RALGAPA2: variants seen among roughly 807,000 people sequenced by gnomAD.
RALGAPA2 encodes Ral GTPase activating protein catalytic subunit alpha 2.
Under a neutral mutation model 230.4 loss-of-function variants are expected in RALGAPA2, and 139 were observed. The ratio of observed to expected loss-of-function variants is 0.60; its 90% CI spans 0.53 to 0.69. The LOEUF (loss-of-function observed/expected upper bound fraction) is 0.69. Ranked by LOEUF, RALGAPA2 falls within the 30% of genes least tolerant of loss-of-function variation. The pLI is 0.00. For missense variants in RALGAPA2, 2,163 were observed against 2,276.0 expected (o/e 0.95, Z 1.01); for synonymous variants, 847 against 837.8 (o/e 1.01, Z -0.19).
In RALGAPA2 at chr20:20,588,203, A is replaced by G. The variant is rs139686113; in HGVS notation, c.2439+1065T>C. 6.2e-3 allele frequency among the ~76,000 whole-genome samples: 942 copies of G among 152,362 alleles called. 12 individuals are homozygous for G. The highest frequency in any genetic ancestry group is 0.021 in the African/African-American group (882 of 41,586). On this transcript the variant is annotated intron_variant, in intron 18 of 39. Transcript: ENST00000202677. ...CATGGCTACAGTTTTCACAAAAACA[A>G]AAAGCTGGAAACAATCTAAATGTCA... is the stretch of plus-strand genomic sequence containing the variant.
intron 1 of RALGAPA2, among the ~76,000 whole-genome samples, chr20:20,682,731 G>GTT: frequency 6.6e-6 from 1 of 152,136 alleles, no homozygotes. Context: ...CATGCATCTA[G>GTT]CACAATATTT....
intron 37 of RALGAPA2, among the ~76,000 whole-genome samples, chr20:20,465,861 TAA>T (rs1449492923): frequency 1.3e-5 from 2 of 152,180 alleles, no homozygotes; most frequent in East Asian, 3.8e-4. Context: ...CCCACAATGG[TAA>T]AAAAGTAAAT....
chr20:20,528,609 T>C (rs1437292571), intron 27 of RALGAPA2, among the ~76,000 whole-genome samples: 1 of 152,056 alleles, frequency 6.6e-6, no homozygotes, highest in Non-Finnish European at 1.5e-5. Flanking sequence ...TTGGTGAGTA[T>C]GGCTGTGGCT....
chr20:20,595,200 A>C (rs989977238), intron 16 of RALGAPA2, among the ~76,000 whole-genome samples: 3 of 152,034 alleles, frequency 2.0e-5, no homozygotes, highest in African/African-American at 7.3e-5. Flanking sequence ...CTCACTTTTT[A>C]AGTCTTCCTT....
At chr20:20,694,621 T>C (rs148518438) in intron 1 of RALGAPA2, among the ~76,000 whole-genome samples, 71 of 152,314 alleles carry the variant, frequency 4.7e-4, no homozygotes, top group Non-Finnish European at 4.7e-4. Context: ...AATTTTGTTA[T>C]AGGAGTCCAG....
chr20:20,505,578 A>T, intron 33 of RALGAPA2, 44 bp from the exon 34 acceptor site: 2 of 1,464,330 alleles, frequency 1.4e-6, no homozygotes, highest in South Asian at 2.7e-5. Context: ...CTTATATGTA[A>T]AATTTTACTT....
intron 1 of RALGAPA2, among the ~76,000 whole-genome samples, chr20:20,681,574 T>C (rs1036694751): frequency 1.3e-5 from 2 of 152,208 alleles, no homozygotes; most frequent in African/African-American, 4.8e-5. Flanking sequence ...AAAGTAGTTA[T>C]CCACTGTCAA....
chr20:20,468,971 G>A (rs1042798972), intron 37 of RALGAPA2, among the ~76,000 whole-genome samples: 3 of 151,380 alleles, frequency 2.0e-5, no homozygotes, highest in Admixed American at 6.6e-5. Flanking sequence ...GTTTGTGTGT[G>A]TGTGTGTGTG....
chr20:20,413,290 C>G (rs1280787431), intron 37 of RALGAPA2, among the ~76,000 whole-genome samples: 1 of 152,198 alleles, frequency 6.6e-6, no homozygotes, highest in Admixed American at 6.5e-5. Context: ...ACAATTATGT[C>G]CTTTCAATCA....
At chr20:20,534,078 A>C (rs1255596660) in intron 26 of RALGAPA2, among the ~76,000 whole-genome samples, 1 of 152,214 alleles carries the variant, frequency 6.6e-6, no homozygotes, top group Non-Finnish European at 1.5e-5. Context: ...AGACTAATTA[A>C]AAAATCAGAG....
chr20:20,644,269 C>G (rs1012966387), intron 4 of RALGAPA2, among the ~76,000 whole-genome samples: 1 of 152,080 alleles, frequency 6.6e-6, no homozygotes, highest in African/African-American at 2.4e-5. Flanking sequence ...AAATCTGAGG[C>G]AAGAGAACTT....
At position 20,524,734 on chromosome 20, in the gene RALGAPA2, T is replaced by C. The variant is rs1211574268; in HGVS notation, c.3762+96A>G. The stretch of plus-strand genomic sequence containing the variant: ...CTGTTAAGGCCAATAGAGAAGGATA[T>C]TACAAAGGATATCACTAGTTGTAAC... On this transcript the variant is annotated intron_variant, in intron 29 of 39. Coordinates refer to ENST00000202677, the MANE Select transcript of RALGAPA2 (RefSeq NM_020343.4). 3.1e-6 allele frequency: 4 copies of C among 1,310,344 alleles called. No homozygotes were observed. In the African/African-American group the frequency reaches 4.5e-5, roughly 15 times the overall value. The allele number at this position is 1,310,344 out of a possible 1,614,324, so 81.2% of individuals were successfully genotyped here.
At chr20:20,472,779 T>C (rs2061567642) in intron 37 of RALGAPA2, 50 bp downstream of exon 37, 1 of 1,562,062 alleles carries the variant, frequency 6.4e-7, no homozygotes. Context: ...CTGCCAGGAA[T>C]CTTGATTCTG....
At chr20:20,525,429 G>T (rs2063170904) in intron 28 of RALGAPA2, among the ~76,000 whole-genome samples, 1 of 152,036 alleles carries the variant, frequency 6.6e-6, no homozygotes, top group African/African-American at 2.4e-5. Context: ...GGTCACTTAA[G>T]GTCAAAAATC....
intron 16 of RALGAPA2, among the ~76,000 whole-genome samples, chr20:20,598,990 A>C (rs1253799416): frequency 6.6e-6 from 1 of 152,224 alleles, no homozygotes; most frequent in Non-Finnish European, 1.5e-5. Flanking sequence ...CTCTAAATAC[A>C]GCCAACTTTC....
chr20:20,683,462 C>T (rs372968488), intron 1 of RALGAPA2, among the ~76,000 whole-genome samples: 44 of 152,314 alleles, frequency 2.9e-4, no homozygotes, highest in Non-Finnish European at 4.9e-4. Context: ...CTTCACTGCA[C>T]ACCACTCTCC....
At chr20:20,669,264 A>G (rs2068057489) in intron 3 of RALGAPA2, among the ~76,000 whole-genome samples, 1 of 152,232 alleles carries the variant, frequency 6.6e-6, no homozygotes, top group Non-Finnish European at 1.5e-5. Context: ...CTCTAGTAAA[A>G]GGGGATGGCA....
In RALGAPA2 at chr20:20,712,561, G is replaced by C. The variant is rs1603263986; in HGVS notation, c.-81C>G. ...GAATCAAAGCATAGGGTCGAGGCCG[G>C]CGCGTGTCGCGCGGGCCACTCGCCG... On this transcript the variant is annotated 5_prime_UTR_variant, in exon 1 of 40. Coordinates refer to ENST00000202677, the MANE Select transcript of RALGAPA2 (RefSeq NM_020343.4). This position sits in a 1 kb window ranked among gnomAD's most constrained non-coding sequence, Gnocchi z 5.5. 7.6e-7 allele frequency: 1 copy of C among 1,321,114 alleles called. No homozygotes were observed. 81.8% of individuals were successfully genotyped at this position (1,321,114 alleles called of 1,614,324 possible). A position where few individuals can be genotyped will look rare whatever the true frequency, so the allele number is the denominator to read the frequency against.
chr20:20,440,610 A>G (rs2060716843), intron 37 of RALGAPA2, among the ~76,000 whole-genome samples: 1 of 152,158 alleles, frequency 6.6e-6, no homozygotes, highest in African/African-American at 2.4e-5. Context: ...ACTAGGGAAG[A>G]AAGCCCGCGC....
Sources: gnomAD v4.1 joint callset for allele counts (sites outside exome capture counted in the v4.1 genomes callset) on GRCh38, gnomAD v4.1.1 for gene constraint, Gnocchi (gnomAD v3.1) non-coding constraint, MANE v1.5 for transcripts, NCBI Gene and HGNC (gene_info 2026-07-23, HGNC 2026-07-21) for gene names.